SLC6A19: variants seen among roughly 807,000 people sequenced by gnomAD.
SLC6A19 encodes the protein sodium-dependent neutral amino acid transporter B(0)AT1.
SLC6A19 carries 67 observed loss-of-function variants against 68.3 expected under a neutral mutation model. That is an observed-to-expected ratio of 0.98 (90% CI 0.81 to 1.20). SLC6A19 has a LOEUF of 1.20. SLC6A19 is among the 50% of genes most tolerant of loss of function. The pLI is 0.00. For missense variants in SLC6A19, 813 were observed against 851.6 expected (o/e 0.95, Z 0.56); for synonymous variants, 392 against 374.9 (o/e 1.05, Z -0.53).
chr5:1,221,485 C>T (rs1460680017), intron 11 of SLC6A19, among the ~76,000 whole-genome samples, 172 bp downstream of exon 11: 1 of 152,100 alleles, frequency 6.6e-6, no homozygotes, highest in Non-Finnish European at 1.5e-5. Flanking sequence ...TTGCTGGTTC[C>T]CCCCTCCCTG....
chr5:1,209,961 G>A lies in SLC6A19; in HGVS notation c.344-483G>A, dbSNP rs923587181. On this transcript the variant is annotated intron_variant, in intron 2 of 11. Transcript: ENST00000304460. This position sits in a 1 kb window ranked among gnomAD's most constrained non-coding sequence, Gnocchi z 5.5. ...CAGTTTCTGTTGTCTCCCCTCTCAT[G>A]AGTCCTCCACAGGGAAGGCTTTCCT... is the stretch of plus-strand genomic sequence containing the variant. Among the ~76,000 whole-genome samples the A allele has an allele frequency of 6.6e-6, 1 of 152,218 alleles. No individual in the cohort carries two copies. The highest frequency in any genetic ancestry group is 2.4e-5 in the African/African-American group (1 of 41,446).
rs200608959 is a variant in SLC6A19 at position 1,201,663 on chromosome 5, G to T, written c.13G>T (p.Val5Leu). The T allele has an allele frequency of 1.2e-6, 2 of 1,606,166 alleles. No homozygotes were observed. Among genetic ancestry groups the T allele is most frequent in the East Asian group, 2.2e-5 (1 of 44,688 alleles). The stretch of plus-strand genomic sequence containing the variant: ...TCCAGCGACCACCATGGTGAGGCTC[G>T]TGCTGCCCAACCCCGGCCTAGACGC... The part of the protein sequence containing the change: MVRL[V>L]LPNPGLDARI... The change falls in exon 1 of 12, where the codon GTG becomes TTG. Residue 5 changes from valine (V) to leucine (L), a missense_variant. Val to Leu is a conservative substitution (Grantham distance 32, BLOSUM62 1). Transcript: ENST00000304460.
rs143664547 is a variant in SLC6A19 at position 1,218,174 on chromosome 5, G to C, written c.1174-729G>C. Among the ~76,000 whole-genome samples the C allele has an allele frequency of 9.5e-4, 144 of 152,334 alleles. 1 individual carries two copies. The highest frequency in any genetic ancestry group is 6.8e-3 in the Middle Eastern group (2 of 294). ...CACAAGCCACGTCCTGCTGTGCAAGGGGTTCCACTCTTGCCTCTGGAACTC... is the reference window on the plus strand; with the variant it reads ...CACAAGCCACGTCCTGCTGTGCAAGCGGTTCCACTCTTGCCTCTGGAACTC... On this transcript the variant is annotated intron_variant, in intron 8 of 11. Transcript: ENST00000304460.
intron 9 of SLC6A19, 29 bp downstream of exon 9, chr5:1,219,136 T>C (rs1415163629): frequency 1.3e-6 from 2 of 1,586,730 alleles, no homozygotes; most frequent in African/African-American, 2.7e-5. Context: ...GGGGTCCCCA[T>C]GGCAATGGTG....
Position 1,208,863 on chromosome 5 carries a change from T to C in SLC6A19, c.320T>C (p.Ile107Thr). The C allele has an allele frequency of 6.2e-7, 1 of 1,612,440 alleles. No individual in the cohort carries two copies. Among genetic ancestry groups the C allele is most frequent in the Non-Finnish European group, 8.5e-7 (1 of 1,179,830 alleles). ...GGCAGCCTGGGTGTGTGGAGCTCCA[T>C]CCACCCGGCCCTGAAGGGCCTAGGT... ...RRGSLGVWSS[I>T]HPALKGLGLA... The change falls in exon 2 of 12, where the codon ATC becomes ACC. Residue 107 changes from isoleucine to threonine, a missense_variant. By Grantham distance (89) the Ile-to-Thr change is moderately conservative (BLOSUM62 -1). Coordinates refer to ENST00000304460, the MANE Select transcript of SLC6A19 (RefSeq NM_001003841.3).
chr5:1,219,496 G>C lies in SLC6A19; in HGVS notation c.1379-9G>C, dbSNP rs80151745. The C allele has an allele frequency of 0.053, 84,571 of 1,610,092 alleles. 2,549 individuals are homozygous for C. The highest frequency in any genetic ancestry group is 0.089 in the Admixed American group (5,339 of 59,998). On this transcript the variant is annotated splice_polypyrimidine_tract_variant and intron_variant, in intron 9 of 11. Transcript: ENST00000304460. ...GGGCGTGTGAGCAGCTCTGTCCCCC[G>C]GCCTGCAGGCCTCATCTGCCTGGGG...
At chr5:1,211,860 G>C (rs2126502093) in intron 3 of SLC6A19, among the ~76,000 whole-genome samples, 1 of 142,834 alleles carries the variant, frequency 7.0e-6, no homozygotes, top group Admixed American at 7.1e-5. Flanking sequence ...CAGGTGCATG[G>C]ACCAGATGTG....
At position 1,210,534 on chromosome 5, in the gene SLC6A19, A is replaced by G. The variant is rs368969196; in HGVS notation, c.434A>G (p.Gln145Arg). 17 of 1,613,264 alleles carry G rather than the reference A, an allele frequency of 1.1e-5. No homozygotes were observed. The highest frequency in any genetic ancestry group is 1.4e-5 in the Non-Finnish European group (16 of 1,180,024). ...WIMWYLFNSFQEPLPWSDCPL... is the reference protein window; with the variant it reads ...WIMWYLFNSFREPLPWSDCPL... ...ATGTGGTACTTATTCAACTCCTTCC[A>G]GGAGCCTCTGCCCTGGAGCGACTGC... The change falls in exon 3 of 12, where the codon CAG becomes CGG. Residue 145 changes from glutamine (Q) to arginine (R), a missense_variant. Gln to Arg is a conservative substitution (Grantham distance 43, BLOSUM62 1). Transcript: ENST00000304460.
rs979375247 is a variant in SLC6A19, at chr5:1,209,926, T to C, written c.344-518T>C. The stretch of plus-strand genomic sequence containing the variant: ...AGCTGTCCCCAAATAATTGAGAACA[T>C]TCCCCTCTGCAGTTTCTGTTGTCTC... On this transcript the variant is annotated intron_variant, in intron 2 of 11. Coordinates refer to ENST00000304460, the MANE Select transcript of SLC6A19 (RefSeq NM_001003841.3). This position sits in a 1 kb window ranked among gnomAD's most constrained non-coding sequence, Gnocchi z 5.5. Among the ~76,000 whole-genome samples the C allele has an allele frequency of 6.6e-6, 1 of 152,228 alleles. No individual in the cohort carries two copies. The highest frequency in any genetic ancestry group is 1.9e-4 in the East Asian group (1 of 5,200).
At chr5:1,218,526 G>A (rs1466072198) in intron 8 of SLC6A19, among the ~76,000 whole-genome samples, 1 of 152,208 alleles carries the variant, frequency 6.6e-6, no homozygotes, top group African/African-American at 2.4e-5. Context: ...TTGGCCACCT[G>A]CCTTCCGAGC....
intron 1 of SLC6A19, among the ~76,000 whole-genome samples, chr5:1,203,177 G>A (rs567438785): frequency 6.6e-6 from 1 of 152,210 alleles, no homozygotes; most frequent in Admixed American, 6.5e-5. Flanking sequence ...CCTGGGAAGA[G>A]GAGGGGTTGG....
rs1746512616 is a variant in SLC6A19, at chr5:1,225,064, G to C, written c.*3160G>C. ...ACAGTGACAGAGTGACAATCTATAA[G>C]TATCTCAAGATCAAATGGTTAAATA... On this transcript the variant is annotated 3_prime_UTR_variant, in exon 12 of 12. Transcript: ENST00000304460. 5.8e-6 allele frequency: 1 copy of C among 172,248 alleles called. No homozygotes were observed. The highest frequency in any genetic ancestry group is 1.3e-5 in the Non-Finnish European group (1 of 79,726). 10.7% of individuals were successfully genotyped at this position (172,248 alleles called of 1,614,324 possible).
rs1442527383 is a variant in SLC6A19 at position 1,209,627 on chromosome 5, C to G, written c.343+741C>G. Among the ~76,000 whole-genome samples the G allele has an allele frequency of 1.3e-5, 2 of 151,934 alleles. No individual in the cohort carries two copies. The highest frequency in any genetic ancestry group is 2.9e-5 in the Non-Finnish European group (2 of 67,954). On this transcript the variant is annotated intron_variant, in intron 2 of 11. Transcript: ENST00000304460. The surrounding 1 kb of genome is among the most constrained non-coding windows in gnomAD (Gnocchi z 5.5). ...TCTCTCCCTCTCTCTTCCTCTCTCT[C>G]TGTCTCTGTCATTCTCTCTTTCCCC...
chr5:1,218,758 TA>T, intron 8 of SLC6A19, 144 bp from the exon 9 acceptor site: 1 of 769,562 alleles, frequency 1.3e-6, no homozygotes, highest in Non-Finnish European at 2.1e-6. Context: ...ACTTTGGGCC[TA>T]AAAGACAAGA....
rs1268755841 is a variant in SLC6A19 at position 1,222,071 on chromosome 5, CGT to C, written c.*173_*174del. On this transcript the variant is annotated 3_prime_UTR_variant, in exon 12 of 12. Coordinates refer to ENST00000304460, the MANE Select transcript of SLC6A19 (RefSeq NM_001003841.3). The stretch of plus-strand genomic sequence containing the variant: ...ATGTGCCATGTGTGCAGATATGTAT[CGT>C]GTGTGCATGTACATGCATGGGCACT... 1.1e-5 allele frequency: 8 copies of C among 761,708 alleles called. No homozygotes were observed. Among genetic ancestry groups the C allele is most frequent in the Admixed American group, 9.6e-5 (4 of 41,486 alleles). The allele number at this position is 761,708 out of a possible 1,614,324, so 47.2% of individuals were successfully genotyped here. A position where few individuals can be genotyped will look rare whatever the true frequency, so the allele number is the denominator to read the frequency against.
chr5:1,214,003 C>T lies in SLC6A19; in HGVS notation c.825C>T (p.Val275=), dbSNP rs757853108. The change falls in exon 6 of 12, where the codon GTC becomes GTT. Residue 275 remains valine, a synonymous_variant. Transcript: ENST00000304460. The surrounding 1 kb of genome is among the most constrained non-coding windows in gnomAD (Gnocchi z 7.4). The part of the protein sequence containing the change: ...PDTWLDAGAQ[V]FFSFSLAFGG... ...CCTGGCTGGACGCGGGCGCACAGGTCTTCTTCTCCTTCTCCCTGGCCTTCG... is the reference window on the plus strand; with the variant it reads ...CCTGGCTGGACGCGGGCGCACAGGTTTTCTTCTCCTTCTCCCTGGCCTTCG... The T allele has an allele frequency of 1.2e-6, 2 of 1,613,726 alleles. No homozygotes were observed. The highest frequency in any genetic ancestry group is 1.7e-6 in the Non-Finnish European group (2 of 1,180,008).
At chr5:1,220,971 G>T (rs1164995904) in intron 10 of SLC6A19, among the ~76,000 whole-genome samples, 180 bp from the exon 11 acceptor site, 3 of 152,174 alleles carry the variant, frequency 2.0e-5, no homozygotes, top group Non-Finnish European at 4.4e-5. Flanking sequence ...TGCTGGCCGT[G>T]CCCACAGAGG....
At chr5:1,206,856 C>T (rs1334839392) in intron 1 of SLC6A19, among the ~76,000 whole-genome samples, 3 of 152,192 alleles carry the variant, frequency 2.0e-5, no homozygotes, top group East Asian at 1.9e-4. Flanking sequence ...GGACCCATGT[C>T]GGGATCAGGC....
chr5:1,219,525 T>G lies in SLC6A19; in HGVS notation c.1399T>G (p.Phe467Val), dbSNP rs760128082. 6.2e-7 allele frequency: 1 copy of G among 1,612,074 alleles called. No individual in the cohort carries two copies. Among genetic ancestry groups the G allele is most frequent in the Non-Finnish European group, 8.5e-7 (1 of 1,180,008 alleles). Reference protein sequence around the residue: ...VLTGLICLGTFLIGFIFTLNS... With the variant: ...VLTGLICLGTVLIGFIFTLNS... ...TGCAGGCCTCATCTGCCTGGGGACA[T>G]TCCTCATTGGCTTCATCTTCACGCT... The change falls in exon 10 of 12, where the codon TTC becomes GTC. Residue 467 changes from phenylalanine to valine, a missense_variant. Phe to Val is a conservative substitution (Grantham distance 50, BLOSUM62 -1). Transcript: ENST00000304460.
Sources: allele counts gnomAD v4.1 joint callset (sites outside exome capture counted in the v4.1 genomes callset), GRCh38; gene constraint gnomAD v4.1.1; non-coding constraint Gnocchi (gnomAD v3.1); transcripts MANE v1.5; gene names NCBI Gene and HGNC (gene_info 2026-07-23, HGNC 2026-07-21).